Variants in GRID2 observed in about 807,000 individuals in gnomAD.
The protein encoded by GRID2 is glutamate ionotropic receptor delta type subunit 2, also known as glutamate receptor ionotropic, delta-2.
A neutral mutation model predicts 114.8 loss-of-function variants in GRID2; 33 were observed. The observed-to-expected ratio is 0.29, with a 90% CI of 0.22 to 0.38. The LOEUF (loss-of-function observed/expected upper bound fraction) is 0.38, where lower values mean the gene tolerates loss of function less well. GRID2 is among the 10% of genes least tolerant of loss of function. GRID2 has a pLI of 1.00. For missense variants in GRID2, 1,184 were observed against 1,257.7 expected, an observed-to-expected ratio of 0.94 and a Z score of 0.89; for synonymous variants, 505 against 449.9, an observed-to-expected ratio of 1.12 and a Z score of -1.55.
chr4:92,700,151 G>A (rs1734599438), intron 2 of GRID2, among the ~76,000 whole-genome samples: 1 of 152,162 alleles, frequency 6.6e-6, no homozygotes, highest in Non-Finnish European at 1.5e-5. Context: ...TGGGTTAGGA[G>A]TTTTCCTCTC....
intron 1 of GRID2, among the ~76,000 whole-genome samples, chr4:92,317,158 T>C (rs1726030154): frequency 6.6e-6 from 1 of 152,150 alleles, no homozygotes; most frequent in Non-Finnish European, 1.5e-5. Flanking sequence ...ACTTCTGAAG[T>C]TAATAGTACA....
chr4:93,742,215 A>C (rs1731483840), intron 14 of GRID2, among the ~76,000 whole-genome samples: 1 of 152,180 alleles, frequency 6.6e-6, no homozygotes, highest in South Asian at 2.1e-4. Context: ...CTATGAATAA[A>C]TATGAGTAGT....
At chr4:92,769,116 G>C (rs571273111) in intron 2 of GRID2, among the ~76,000 whole-genome samples, 1 of 152,150 alleles carries the variant, frequency 6.6e-6, no homozygotes, top group Non-Finnish European at 1.5e-5. Flanking sequence ...GATACAATGG[G>C]GGGTACAGAC....
chr4:93,764,952 C>T (rs1240376516), intron 14 of GRID2, among the ~76,000 whole-genome samples: 1 of 152,114 alleles, frequency 6.6e-6, no homozygotes, highest in Non-Finnish European at 1.5e-5. Flanking sequence ...CACACACACT[C>T]GCACACATAC....
intron 4 of GRID2, among the ~76,000 whole-genome samples, chr4:93,187,071 C>A (rs1412086076): frequency 1.3e-5 from 2 of 152,058 alleles, no homozygotes; most frequent in Non-Finnish European, 2.9e-5. Flanking sequence ...AGGGACTAAT[C>A]CCTTTCACAA....
intron 11 of GRID2, among the ~76,000 whole-genome samples, chr4:93,466,064 A>G (rs988302347): frequency 2.6e-5 from 4 of 152,164 alleles, no homozygotes; most frequent in Admixed American, 2.0e-4. Context: ...TTAATGTCCT[A>G]TAAAAACAGT....
chr4:92,345,775 A>G (rs1727732830), intron 1 of GRID2, among the ~76,000 whole-genome samples: 1 of 152,192 alleles, frequency 6.6e-6, no homozygotes. Context: ...TTTTTTGACC[A>G]TCACACAAAC....
At chr4:93,023,878 A>G (rs1282899812) in intron 2 of GRID2, among the ~76,000 whole-genome samples, 2 of 151,880 alleles carry the variant, frequency 1.3e-5, no homozygotes, top group Admixed American at 1.3e-4. Flanking sequence ...AGCAGCACCT[A>G]GAAACACTTA....
chr4:93,586,849 A>G (rs1436480635), intron 13 of GRID2, among the ~76,000 whole-genome samples: 1 of 152,154 alleles, frequency 6.6e-6, no homozygotes, highest in African/African-American at 2.4e-5. Flanking sequence ...CAGTAATACC[A>G]AAGTATTACC....
intron 8 of GRID2, among the ~76,000 whole-genome samples, chr4:93,390,901 G>A (rs1348661502): frequency 6.6e-6 from 1 of 151,854 alleles, no homozygotes; most frequent in Non-Finnish European, 1.5e-5. Flanking sequence ...TTCATTTGTA[G>A]GAATCAGTTA....
At chr4:92,352,558 C>T (rs75399180) in intron 1 of GRID2, among the ~76,000 whole-genome samples, 1 of 151,926 alleles carries the variant, frequency 6.6e-6, no homozygotes, top group East Asian at 1.9e-4. Flanking sequence ...TCATTGCCAA[C>T]ACAAGTTATT....
chr4:93,789,397 T>C (rs1734653042), intron 1 of GRID2, among the ~76,000 whole-genome samples: 1 of 152,232 alleles, frequency 6.6e-6, no homozygotes, highest in South Asian at 2.1e-4. Flanking sequence ...TTTGTTTAAG[T>C]AAAGCAATTG....
At chr4:93,585,797 T>A (rs1737480531) in intron 13 of GRID2, among the ~76,000 whole-genome samples, 1 of 152,070 alleles carries the variant, frequency 6.6e-6, no homozygotes, top group South Asian at 2.1e-4. Context: ...ACAAAAAAAA[T>A]GAAATCTATG....
chr4:93,025,545 C>T (rs1377270203), intron 2 of GRID2, among the ~76,000 whole-genome samples: 1 of 151,616 alleles, frequency 6.6e-6, no homozygotes, highest in Non-Finnish European at 1.5e-5. Flanking sequence ...TGGATTTAAG[C>T]CAGGCAATAT....
chr4:93,688,032 A>G (rs1290141169), intron 14 of GRID2, among the ~76,000 whole-genome samples: 1 of 151,902 alleles, frequency 6.6e-6, no homozygotes, highest in Non-Finnish European at 1.5e-5. Flanking sequence ...AGAGCCACCT[A>G]TGCAGGTGCA....
chr4:93,246,627 G>A (rs1579414497), intron 8 of GRID2, among the ~76,000 whole-genome samples: 2 of 151,046 alleles, frequency 1.3e-5, no homozygotes, highest in Non-Finnish European at 1.5e-5. Context: ...ATATTATGAA[G>A]TAATAGTATG....
intron 8 of GRID2, among the ~76,000 whole-genome samples, chr4:93,270,605 T>C (rs1038324987): frequency 6.6e-6 from 1 of 152,018 alleles, no homozygotes; most frequent in Non-Finnish European, 1.5e-5. Context: ...ATATGTATTT[T>C]CTTCTTCTTG....
At chr4:93,339,876 G>GA (rs34877000) in intron 8 of GRID2, among the ~76,000 whole-genome samples, 1 of 151,860 alleles carries the variant, frequency 6.6e-6, no homozygotes, top group South Asian at 2.1e-4. Context: ...AGCCAAGGGG[G>GA]AAAAAACCCT....
chr4:93,461,023 A>G (rs1301276498), intron 11 of GRID2, among the ~76,000 whole-genome samples: 2 of 152,198 alleles, frequency 1.3e-5, no homozygotes, highest in African/African-American at 4.8e-5. Context: ...ACCCAGGAAA[A>G]AAGATAAATA....
Sources: allele counts gnomAD v4.1 joint callset (sites outside exome capture counted in the v4.1 genomes callset), GRCh38; gene constraint gnomAD v4.1.1; transcripts MANE v1.5; gene names NCBI Gene and HGNC (gene_info 2026-07-23, HGNC 2026-07-21).